CCDC144A: variants seen among roughly 807,000 people sequenced by gnomAD.
CCDC144A encodes coiled-coil domain containing 144A, also known as coiled-coil domain-containing protein 144A.
A neutral mutation model predicts 143.8 loss-of-function variants in CCDC144A; 41 were observed. That is an observed-to-expected ratio of 0.29 (90% CI 0.22 to 0.37). CCDC144A has a LOEUF of 0.37. CCDC144A is among the 10% of genes least tolerant of loss of function. CCDC144A has a pLI of 1.00. For synonymous variants in CCDC144A, 242 were observed against 517.9 expected, an observed-to-expected ratio of 0.47 and a Z score of 7.23; for missense variants, 637 against 1,488.8, an observed-to-expected ratio of 0.43 and a Z score of 9.41.
intron 8 of CCDC144A, among the ~76,000 whole-genome samples, chr17:16,725,413 A>AT (rs538426115): frequency 2.4e-3 from 356 of 151,034 alleles, no homozygotes; most frequent in African/African-American, 7.6e-3. Context: ...AGCGATAACT[A>AT]TTTTTTTCTA....
At chr17:16,716,839 A>C (rs1350274856) in intron 6 of CCDC144A, among the ~76,000 whole-genome samples, 2 of 136,408 alleles carry the variant, frequency 1.5e-5, no homozygotes, top group Non-Finnish European at 1.5e-5. Flanking sequence ...TTTGAGACGC[A>C]GTCTCGCTCT....
chr17:16,745,954 T>C (rs1454905007), intron 12 of CCDC144A: 9 of 1,606,494 alleles, frequency 5.6e-6, no homozygotes, highest in Admixed American at 3.4e-5. Flanking sequence ...TGGTGAGCTC[T>C]GTGCCTCCTG....
At position 16,777,474 on chromosome 17, in the gene CCDC144A, C is replaced by A. The variant is rs562412005; in HGVS notation, c.*3841C>A. On this transcript the variant is annotated 3_prime_UTR_variant, in exon 17 of 17. Coordinates refer to ENST00000399273, the MANE Select transcript of CCDC144A (RefSeq NM_001382000.1). ...CCATATGATAGGGCACAAAACAAGT[C>A]TCAGTAAATTTAAGAAAATCAGAAT... 1 of 144,984 alleles carries A rather than the reference C, an allele frequency of 6.9e-6. No individual in the cohort carries two copies. The highest frequency in any genetic ancestry group is 2.1e-4 in the East Asian group (1 of 4,740). 9.0% of individuals were successfully genotyped at this position (144,984 alleles called of 1,614,324 possible).
At position 16,777,179 on chromosome 17, in the gene CCDC144A, T is replaced by C. The variant is rs1916028709; in HGVS notation, c.*3546T>C. The stretch of plus-strand genomic sequence containing the variant: ...AAAATATCACAGTCCTAAATATATA[T>C]GCACCTAATACTGGAGATCCCAAAT... On this transcript the variant is annotated 3_prime_UTR_variant, in exon 17 of 17. Coordinates refer to ENST00000399273, the MANE Select transcript of CCDC144A (RefSeq NM_001382000.1). 2.2e-5 allele frequency: 3 copies of C among 136,508 alleles called. No homozygotes were observed. The highest frequency in any genetic ancestry group is 2.9e-5 in the African/African-American group (1 of 34,260). 8.5% of individuals were successfully genotyped at this position (136,508 alleles called of 1,614,324 possible). A position where few individuals can be genotyped will look rare whatever the true frequency, so the allele number is the denominator to read the frequency against.
intron 4 of CCDC144A, among the ~76,000 whole-genome samples, chr17:16,708,024 G>A (rs1391346181): frequency 6.6e-6 from 1 of 152,052 alleles, no homozygotes; most frequent in East Asian, 1.9e-4. Flanking sequence ...TTCAGTGAGA[G>A]TGGGGTTATG....
chr17:16,737,493 A>G, intron 12 of CCDC144A: 1 of 1,265,366 alleles, frequency 7.9e-7, no homozygotes, highest in Non-Finnish European at 1.0e-6. Flanking sequence ...CCATAATTTA[A>G]TAATAAGGTG....
In CCDC144A at chr17:16,690,590, C is replaced by T; in HGVS notation, c.190C>T (p.His64Tyr). 6.2e-7 allele frequency: 1 copy of T among 1,613,770 alleles called. No individual in the cohort carries two copies. Among genetic ancestry groups the T allele is most frequent in the Non-Finnish European group, 8.5e-7 (1 of 1,179,860 alleles). Residue 64 changes from histidine (H) to tyrosine (Y), a missense_variant, in exon 1 of 17, where the codon CAC becomes TAC. Physicochemically the swap from His to Tyr is moderately conservative, Grantham distance 83. Coordinates refer to ENST00000399273, the MANE Select transcript of CCDC144A (RefSeq NM_001382000.1). ...AAACAGCGTCGGCAGCGAGAGCAAG[C>T]ACGGTGAGGGCGCCTTAGACCAGCC... ...WKNSVGSESK[H>Y]GEGALDQPQH...
intron 11 of CCDC144A, 120 bp downstream of exon 11, chr17:16,732,786 C>A (rs1331527255): frequency 5.5e-6 from 4 of 729,000 alleles, no homozygotes; most frequent in Non-Finnish European, 8.5e-6. Context: ...CACACACACA[C>A]ACACACACAT....
chr17:16,686,394 A>G (rs1011317741), upstream of CCDC144A, among the ~76,000 whole-genome samples: 1 of 152,126 alleles, frequency 6.6e-6, no homozygotes, highest in Admixed American at 6.6e-5. Flanking sequence ...AGAAGGAAAG[A>G]AACATGAAAG....
intron 12 of CCDC144A, among the ~76,000 whole-genome samples, chr17:16,735,888 G>GTATTAT (rs1209674759): frequency 6.8e-6 from 1 of 146,508 alleles, no homozygotes; most frequent in Non-Finnish European, 1.5e-5. Flanking sequence ...AATAGGTACA[G>GTATTAT]ACTAATACTC....
At chr17:16,708,732 C>T (rs1379205093) in intron 4 of CCDC144A, 64 bp from the exon 5 acceptor site, 1 of 1,606,290 alleles carries the variant, frequency 6.2e-7, no homozygotes, top group East Asian at 2.2e-5. Context: ...AAACATGTAG[C>T]CCAACAGAGA....
At chr17:16,694,659 C>T (rs1173546011) in intron 2 of CCDC144A, among the ~76,000 whole-genome samples, 1 of 151,998 alleles carries the variant, frequency 6.6e-6, no homozygotes, top group African/African-American at 2.4e-5. Flanking sequence ...TTTAAAGAGA[C>T]CTTCTGAGTG....
chr17:16,682,595 A>G, the CCDC144A span, among the ~76,000 whole-genome samples: 1 of 151,602 alleles, frequency 6.6e-6, no homozygotes, highest in African/African-American at 2.4e-5. Flanking sequence ...TAAAGGTGAG[A>G]AAAAAACAGC....
chr17:16,667,242 GGGCTGAGGCGGCTGAGGC>G, the CCDC144A span: 26 of 234,748 alleles, frequency 1.1e-4, no homozygotes, highest in African/African-American at 5.3e-4. Flanking sequence ...AGAGGCTGAG[GGGCTGAGGCGGCTGAGGC>G]GGCTGAGGCG....
At chr17:16,687,347 C>T (rs1474991904), upstream of CCDC144A, among the ~76,000 whole-genome samples, 1 of 151,930 alleles carries the variant, frequency 6.6e-6, no homozygotes, top group Non-Finnish European at 1.5e-5. Context: ...GTAGCCCATC[C>T]CCCTCCCCCG....
At chr17:16,687,581 C>A (rs540166452), upstream of CCDC144A, among the ~76,000 whole-genome samples, 3 of 152,318 alleles carry the variant, frequency 2.0e-5, no homozygotes, top group African/African-American at 7.2e-5. Flanking sequence ...CTCTTCCCTG[C>A]TGCCCACGAA....
At position 16,777,792 on chromosome 17, in the gene CCDC144A, C is replaced by T. The variant is rs1334744946; in HGVS notation, c.*4159C>T. On this transcript the variant is annotated 3_prime_UTR_variant, in exon 17 of 17. Coordinates refer to ENST00000399273, the MANE Select transcript of CCDC144A (RefSeq NM_001382000.1). ...AGCACAAATAAACAATCTAAGGTCACACCTCACAGAATTGGAGAAACTAGA... is the reference window on the plus strand; with the variant it reads ...AGCACAAATAAACAATCTAAGGTCATACCTCACAGAATTGGAGAAACTAGA... 1.4e-5 allele frequency: 2 copies of T among 141,384 alleles called. No homozygotes were observed. Among genetic ancestry groups the T allele is most frequent in the Admixed American group, 1.4e-4 (2 of 14,226 alleles). The allele number at this position is 141,384 out of a possible 1,614,324, so 8.8% of individuals were successfully genotyped here.
chr17:16,673,483 T>C, the CCDC144A span, among the ~76,000 whole-genome samples: 2 of 150,318 alleles, frequency 1.3e-5, no homozygotes, highest in Non-Finnish European at 3.0e-5. Flanking sequence ...GCCCCCTGGG[T>C]TCAAGCGATT....
chr17:16,764,334 GTC>G (rs1332620366), intron 15 of CCDC144A, 159 bp downstream of exon 15: 1 of 1,452,164 alleles, frequency 6.9e-7, no homozygotes, highest in African/African-American at 1.4e-5. Flanking sequence ...TTATTTTTAA[GTC>G]TCTGGAGCTC....
Sources: allele counts gnomAD v4.1 joint callset (sites outside exome capture counted in the v4.1 genomes callset), GRCh38; gene constraint gnomAD v4.1.1; transcripts MANE v1.5; gene names NCBI Gene and HGNC (gene_info 2026-07-23, HGNC 2026-07-21).